Variants in PPP1R9A observed in about 807,000 individuals in gnomAD.
PPP1R9A encodes neurabin-1.
A neutral mutation model predicts 141.9 loss-of-function variants in PPP1R9A; 59 were observed. The ratio of observed to expected loss-of-function variants is 0.42; its 90% CI spans 0.34 to 0.52. PPP1R9A has a LOEUF of 0.52. Ranked by LOEUF, PPP1R9A falls within the 20% of genes least tolerant of loss-of-function variation. PPP1R9A has a pLI of 0.10. For synonymous variants in PPP1R9A, 500 were observed against 569.7 expected, an observed-to-expected ratio of 0.88 and a Z score of 1.74; for missense variants, 1,444 against 1,611.9, an observed-to-expected ratio of 0.90 and a Z score of 1.78.
chr7:95,127,479 G>A (rs1310638277), intron 4 of PPP1R9A, among the ~76,000 whole-genome samples: 1 of 149,830 alleles, frequency 6.7e-6, no homozygotes, highest in Non-Finnish European at 1.5e-5. Flanking sequence ...TTTGCATCTT[G>A]TATCTCTTCT....
chr7:95,079,496 A>G (rs1469943172), intron 2 of PPP1R9A, among the ~76,000 whole-genome samples: 2 of 152,038 alleles, frequency 1.3e-5, no homozygotes, highest in African/African-American at 4.8e-5. Flanking sequence ...TCACAGCCGA[A>G]TTCTACCAGA....
chr7:95,055,764 C>G (rs1811415010), intron 2 of PPP1R9A, among the ~76,000 whole-genome samples: 1 of 152,094 alleles, frequency 6.6e-6, no homozygotes, highest in Non-Finnish European at 1.5e-5. Context: ...CCCTTTTGCT[C>G]AAGTACCTTG....
intron 4 of PPP1R9A, among the ~76,000 whole-genome samples, chr7:95,146,320 A>G (rs992779327): frequency 3.3e-5 from 5 of 152,160 alleles, no homozygotes; most frequent in African/African-American, 1.2e-4. Flanking sequence ...GCCCGTTCAT[A>G]TCCTTTGCCC....
At chr7:95,091,756 G>T (rs1445502327) in intron 2 of PPP1R9A, among the ~76,000 whole-genome samples, 2 of 151,138 alleles carry the variant, frequency 1.3e-5, no homozygotes, top group African/African-American at 2.4e-5. Flanking sequence ...AGTTGTGGGG[G>T]CAGGGCATGT....
intron 2 of PPP1R9A, among the ~76,000 whole-genome samples, chr7:95,002,061 A>C (rs1803011577): frequency 6.6e-6 from 1 of 152,198 alleles, no homozygotes; most frequent in African/African-American, 2.4e-5. Context: ...TCTATGGTAA[A>C]CACTAAGTTG....
At position 95,006,943 on chromosome 7, in the gene PPP1R9A, A is replaced by G. The variant is rs976057318; in HGVS notation, c.1395+95435A>G. ...AATGCTGCGATCTTGGCTCATCGCA[A>G]CCTCCACCTCCCAGGTTCAAGCAGG... On this transcript the variant is annotated intron_variant, in intron 2 of 19. Transcript: ENST00000433360. Among the ~76,000 whole-genome samples, 4 of 151,718 alleles carry G rather than the reference A, an allele frequency of 2.6e-5. No individual in the cohort carries two copies. The South Asian group carries it at 6.3e-4, about 24-fold the overall frequency.
In PPP1R9A at chr7:94,910,629, G is replaced by A. The variant is rs1474974104; in HGVS notation, c.516G>A (p.Gln172=). Residue 172 remains glutamine (Q), a synonymous_variant, in exon 2 of 20, where the codon CAG becomes CAA. Transcript: ENST00000433360. This position sits in a 1 kb window ranked among gnomAD's most constrained non-coding sequence, Gnocchi z 4.5. ...KKEKAGGSEP[Q]DEWGGSKSNR... is the part of the protein sequence containing the mutation. The stretch of plus-strand genomic sequence containing the variant: ...AGAAAGCTGGAGGGAGTGAACCTCA[G>A]GATGAATGGGGAGGTTCCAAGTCCA... The A allele has an allele frequency of 6.2e-7, 1 of 1,614,170 alleles. No homozygotes were observed. The highest frequency in any genetic ancestry group is 2.2e-5 in the East Asian group (1 of 44,874).
chr7:95,051,539 G>T (rs756932016), intron 2 of PPP1R9A, among the ~76,000 whole-genome samples: 10 of 152,222 alleles, frequency 6.6e-5, no homozygotes, highest in Middle Eastern at 3.4e-3. Flanking sequence ...TTTTGATTGG[G>T]ATTATGTTGA....
intron 5 of PPP1R9A, among the ~76,000 whole-genome samples, chr7:95,171,875 A>G (rs1025015347): frequency 7.9e-5 from 12 of 151,762 alleles, no homozygotes; most frequent in Non-Finnish European, 1.5e-4. Flanking sequence ...AAACTATCAC[A>G]AACCAATATT....
chr7:95,269,224 T>TAACCA lies in PPP1R9A; in HGVS notation c.2842_2846dup (p.His949GlnfsTer15). 6.5e-7 allele frequency: 1 copy of TAACCA among 1,540,778 alleles called. No homozygotes were observed. The highest frequency in any genetic ancestry group is 1.1e-5 in the South Asian group (1 of 89,164). ...ACCAACAGCCATCAAACAGTTTCTA[T>TAACCA]AACCACATGCATATTACCAAATTAC... On this transcript the variant is annotated frameshift_variant, in exon 14 of 20. Coordinates refer to ENST00000433360, the MANE Select transcript of PPP1R9A (RefSeq NM_001166160.2). LOFTEE classifies it high-confidence loss of function.
At chr7:95,227,983 T>C (rs1795377955) in intron 8 of PPP1R9A, among the ~76,000 whole-genome samples, 2 of 152,242 alleles carry the variant, frequency 1.3e-5, no homozygotes, top group Admixed American at 6.5e-5. Flanking sequence ...TTGTACACTG[T>C]CACTATCATA....
intron 2 of PPP1R9A, among the ~76,000 whole-genome samples, chr7:94,932,681 CAAT>C (rs1327722438): frequency 6.6e-6 from 1 of 151,616 alleles, no homozygotes; most frequent in African/African-American, 2.4e-5. Context: ...CCTGCTCTAC[CAAT>C]AATAAGTATG....
chr7:95,241,866 C>T (rs773644234), intron 8 of PPP1R9A, among the ~76,000 whole-genome samples: 2 of 152,040 alleles, frequency 1.3e-5, no homozygotes, highest in African/African-American at 4.8e-5. Flanking sequence ...CAAACAGTTA[C>T]TTATTTAAAA....
At chr7:95,121,299 C>T (rs1055158897) in intron 4 of PPP1R9A, among the ~76,000 whole-genome samples, 1 of 152,152 alleles carries the variant, frequency 6.6e-6, no homozygotes, top group Non-Finnish European at 1.5e-5. Context: ...TGTAAAAACA[C>T]AGGTTCTTGG....
intron 2 of PPP1R9A, among the ~76,000 whole-genome samples, chr7:94,954,113 C>CT (rs767109424): frequency 6.6e-6 from 1 of 151,670 alleles, no homozygotes; most frequent in South Asian, 2.1e-4. Flanking sequence ...TTCTATTTTA[C>CT]TTTTTTTGTT....
chr7:95,008,772 T>C lies in PPP1R9A; in HGVS notation c.1395+97264T>C, dbSNP rs77380063. Among the ~76,000 whole-genome samples, 36 of 152,188 alleles carry C rather than the reference T, an allele frequency of 2.4e-4. 1 individual carries two copies. The South Asian group carries it at 5.4e-3, about 23-fold the overall frequency. ...TGGTATCATGGTCACACCTACCCCA[T>C]TGAAGAATGGGAGAGAGTGGAGTTT... On this transcript the variant is annotated intron_variant, in intron 2 of 19. Coordinates refer to ENST00000433360, the MANE Select transcript of PPP1R9A (RefSeq NM_001166160.2).
chr7:95,036,653 C>A (rs1808462112), intron 2 of PPP1R9A: 2 of 152,194 alleles, frequency 1.3e-5, no homozygotes, highest in Admixed American at 6.5e-5. Context: ...CCTTGCATTT[C>A]TTTATCTTTG....
At position 94,911,032 on chromosome 7, in the gene PPP1R9A, A is replaced by G. The variant is rs1791395084; in HGVS notation, c.919A>G (p.Thr307Ala). The change falls in exon 2 of 20, where the codon ACA (threonine) becomes GCA (alanine). Residue 307 changes from threonine to alanine, a missense_variant. Around this residue, in one of 5 missense-constraint regions of PPP1R9A, gnomAD observed 490 missense variants for 521.1 expected, o/e 0.94. Transcript: ENST00000433360. The part of the protein sequence containing the change: ...IQQSKEPEDS[T>A]SNQQTPDSID... ...GCAGAGCAAGGAACCCGAGGACTCC[A>G]CATCTAATCAACAGACTCCCGACAG... 1 of 1,614,190 alleles carries G rather than the reference A, an allele frequency of 6.2e-7. No individual in the cohort carries two copies. Among genetic ancestry groups the G allele is most frequent in the Non-Finnish European group, 8.5e-7 (1 of 1,180,020 alleles).
At chr7:95,207,779 G>A (rs1329750983) in intron 7 of PPP1R9A, among the ~76,000 whole-genome samples, 1 of 152,132 alleles carries the variant, frequency 6.6e-6, no homozygotes, top group Non-Finnish European at 1.5e-5. Context: ...TAGCAACTTT[G>A]CTGAATACAT....
Sources: gnomAD v4.1 joint callset for allele counts (sites outside exome capture counted in the v4.1 genomes callset) on GRCh38, gnomAD v4.1.1 for gene constraint, gnomAD v4.1.1 regional missense constraint, Gnocchi (gnomAD v3.1) non-coding constraint, MANE v1.5 for transcripts, NCBI Gene and HGNC (gene_info 2026-07-23, HGNC 2026-07-21) for gene names.